INTS10: variants seen among roughly 807,000 people sequenced by gnomAD.
INTS10 encodes integrator complex subunit 10, also known as chromosome 8 open reading frame 35.
A neutral mutation model predicts 94.4 loss-of-function variants in INTS10; 44 were observed. The ratio of observed to expected loss-of-function variants is 0.47; its 90% CI spans 0.37 to 0.60. The LOEUF (loss-of-function observed/expected upper bound fraction) is 0.60. Ranked by LOEUF, INTS10 falls within the 20% of genes least tolerant of loss-of-function variation. The pLI, the probability that INTS10 is intolerant of heterozygous loss-of-function variation, is 0.00. For synonymous variants in INTS10, 341 were observed against 320.7 expected (o/e 1.06, Z -0.68); for missense variants, 797 against 868.7 (o/e 0.92, Z 1.04).
At chr8:19,837,021 G>T in intron 12 of INTS10, 31 bp from the exon 13 acceptor site, 2 of 1,390,340 alleles carry the variant, frequency 1.4e-6, no homozygotes, top group East Asian at 4.6e-5. Flanking sequence ...AAAGCTTCAA[G>T]TTAGTTCCTT....
intron 9 of INTS10, 79 bp from the exon 10 acceptor site, chr8:19,830,327 A>G: frequency 7.8e-7 from 1 of 1,289,314 alleles, no homozygotes. Flanking sequence ...TCACGGGCCA[A>G]ACTGGCAGCA....
At chr8:19,836,786 A>C (rs2067698048) in intron 12 of INTS10, among the ~76,000 whole-genome samples, 1 of 152,118 alleles carries the variant, frequency 6.6e-6, no homozygotes. Flanking sequence ...CTCAGTACTT[A>C]ATGCTTGGTT....
At chr8:19,829,623 A>ATAGT (rs2067075379) in intron 9 of INTS10, among the ~76,000 whole-genome samples, 1 of 152,204 alleles carries the variant, frequency 6.6e-6, no homozygotes, top group Non-Finnish European at 1.5e-5. Flanking sequence ...TGAACCAAAG[A>ATAGT]TAACTAACAG....
At chr8:19,845,232 C>G (rs1027599148) in intron 15 of INTS10, among the ~76,000 whole-genome samples, 1 of 152,124 alleles carries the variant, frequency 6.6e-6, no homozygotes, top group Non-Finnish European at 1.5e-5. Context: ...AACCCTTGCA[C>G]CCCAGTTATG....
chr8:19,835,571 A>T (rs1449448724), intron 12 of INTS10, among the ~76,000 whole-genome samples: 1 of 152,190 alleles, frequency 6.6e-6, no homozygotes, highest in Non-Finnish European at 1.5e-5. Context: ...GATAGAAAAG[A>T]TTGGCTGGAG....
rs78779057 is a variant in INTS10, at chr8:19,845,421, C to G, written c.1883-283C>G. On this transcript the variant is annotated intron_variant, in intron 15 of 16. Transcript: ENST00000397977. ...GTTGTCCTCATGCTCTTTAGCCTGG[C>G]ACATCTCATGCCAAGAGTTATCTGT... 7.5e-3 allele frequency: 2,538 copies of G among 340,388 alleles called. 62 individuals are homozygous for G. Among genetic ancestry groups the G allele is most frequent in the African/African-American group, 0.047 (2,342 of 49,642 alleles). 21.1% of individuals were successfully genotyped at this position (340,388 alleles called of 1,614,324 possible). A position where few individuals can be genotyped will look rare whatever the true frequency, so the allele number is the denominator to read the frequency against.
At chr8:19,850,958 C>T (rs2068979899) in intron 16 of INTS10, among the ~76,000 whole-genome samples, 1 of 152,196 alleles carries the variant, frequency 6.6e-6, no homozygotes, top group Non-Finnish European at 1.5e-5. Context: ...CAGGACCACG[C>T]AGTCCACTCC....
intron 11 of INTS10, among the ~76,000 whole-genome samples, chr8:19,832,943 A>G (rs1467802642): frequency 6.6e-6 from 1 of 152,100 alleles, no homozygotes; most frequent in African/African-American, 2.4e-5. Context: ...CAGAAAGAAA[A>G]ATCTTCATCC....
In INTS10 at chr8:19,830,578, T is replaced by C. The variant is rs2067151958; in HGVS notation, c.1294+19T>C. Reference sequence around the variant, plus strand: ...GACAAAGGTAAGAAAGCGCATGTCATTGGTGCTGTTTGATGTTTTATATAA... The same window carrying C: ...GACAAAGGTAAGAAAGCGCATGTCACTGGTGCTGTTTGATGTTTTATATAA... On this transcript the variant is annotated intron_variant, in intron 10 of 16. Transcript: ENST00000397977. 3 of 1,597,504 alleles carry C rather than the reference T, an allele frequency of 1.9e-6. No individual in the cohort carries two copies. The highest frequency in any genetic ancestry group is 2.6e-6 in the Non-Finnish European group (3 of 1,171,976).
rs758567543 is a variant in INTS10 at position 19,820,373 on chromosome 8, G to T, written c.302-6G>T. 4 of 1,604,414 alleles carry T rather than the reference G, an allele frequency of 2.5e-6. No individual in the cohort carries two copies. The highest frequency in any genetic ancestry group is 2.6e-6 in the Non-Finnish European group (3 of 1,174,688). ...AACTTTTAAAAGTGAAATATGTTTC[G>T]TACAGGTTTATTTGAAACTCTTCCT... On this transcript the variant is annotated splice_region_variant and splice_polypyrimidine_tract_variant and intron_variant, in intron 3 of 16. Transcript: ENST00000397977.
In INTS10 at chr8:19,851,030, C is replaced by T. The variant is rs893980551; in HGVS notation, c.1977-619C>T. 1.1e-4 allele frequency among the ~76,000 whole-genome samples: 17 copies of T among 152,164 alleles called. No individual in the cohort carries two copies. The highest frequency in any genetic ancestry group is 4.1e-4 in the African/African-American group (17 of 41,444). On this transcript the variant is annotated intron_variant, in intron 16 of 16. Transcript: ENST00000397977. The surrounding 1 kb of genome is among the most constrained non-coding windows in gnomAD (Gnocchi z 5.0). ...CTGTGCCACATTCTTGTGTCAGGAC[C>T]CCACCTCCCGCTGCGTTTTCTTCAA...
At chr8:19,823,785 T>G (rs2066575386) in intron 6 of INTS10, 88 bp from the exon 7 acceptor site, 1 of 1,195,648 alleles carries the variant, frequency 8.4e-7, no homozygotes, top group Non-Finnish European at 1.2e-6. Flanking sequence ...CTGTGCATTT[T>G]CATGGGGAGT....
At chr8:19,823,463 T>A (rs2066546630) in intron 6 of INTS10, 22 bp downstream of exon 6, 1 of 1,524,352 alleles carries the variant, frequency 6.6e-7, no homozygotes, top group Admixed American at 1.7e-5. Flanking sequence ...TACCCTGTAC[T>A]TTTACTTAAA....
intron 13 of INTS10, 62 bp from the exon 14 acceptor site, chr8:19,842,786 C>A: frequency 9.3e-7 from 1 of 1,079,314 alleles, no homozygotes; most frequent in South Asian, 1.4e-5. Flanking sequence ...AAACAGTTGC[C>A]TTTCAAAGCT....
At position 19,818,316 on chromosome 8, in the gene INTS10, C is replaced by T. The variant is rs2066102009; in HGVS notation, c.171C>T (p.Ala57=). The change falls in exon 2 of 17, where the codon GCC becomes GCT. Residue 57 remains alanine, a synonymous_variant. Coordinates refer to ENST00000397977, the MANE Select transcript of INTS10 (RefSeq NM_018142.4). ...YTIERNAERT[A]TAGRLLYDMF... is the part of the protein sequence containing the mutation. ...TCGAGCGGAATGCAGAGCGGACCGCCACCGCCGGGAGGCTGCTGTACGACA... is the reference window on the plus strand; with the variant it reads ...TCGAGCGGAATGCAGAGCGGACCGCTACCGCCGGGAGGCTGCTGTACGACA... 5 of 1,614,182 alleles carry T rather than the reference C, an allele frequency of 3.1e-6. No individual in the cohort carries two copies. Among genetic ancestry groups the T allele is most frequent in the Non-Finnish European group, 4.2e-6 (5 of 1,180,038 alleles).
chr8:19,851,627 G>C lies in INTS10; in HGVS notation c.1977-22G>C, dbSNP rs755007308. On this transcript the variant is annotated intron_variant, in intron 16 of 16. Transcript: ENST00000397977. The surrounding 1 kb of genome is among the most constrained non-coding windows in gnomAD (Gnocchi z 5.0). The stretch of plus-strand genomic sequence containing the variant: ...TGGTGCTAACCCCTGGTCTTTGTCT[G>C]TTTCCCTATTGCTGACCTCAGGCAC... The C allele has an allele frequency of 6.2e-7, 1 of 1,613,578 alleles. No individual in the cohort carries two copies. The highest frequency in any genetic ancestry group is 8.5e-7 in the Non-Finnish European group (1 of 1,179,542).
rs1410414600 is a variant in INTS10 at position 19,846,620 on chromosome 8, T to C, written c.1976+823T>C. Among the ~76,000 whole-genome samples the C allele has an allele frequency of 6.6e-6, 1 of 152,210 alleles. No homozygotes were observed. Among genetic ancestry groups the C allele is most frequent in the Non-Finnish European group, 1.5e-5 (1 of 68,034 alleles). The stretch of plus-strand genomic sequence containing the variant: ...GGTATAGTGCCTCTAAGAACACACC[T>C]GTCCCAAGAAATGATGGTGGGAGTG... On this transcript the variant is annotated intron_variant, in intron 16 of 16. Transcript: ENST00000397977. The surrounding 1 kb of genome is among the most constrained non-coding windows in gnomAD (Gnocchi z 4.2).
At chr8:19,817,767 C>G in intron 1 of INTS10, 101 bp downstream of exon 1, 2 of 1,437,616 alleles carry the variant, frequency 1.4e-6, no homozygotes, top group Non-Finnish European at 1.9e-6. Flanking sequence ...GGGGCTGCCG[C>G]CTCCTGCCCG....
rs190709252 is a variant in INTS10 at position 19,842,883 on chromosome 8, G to A, written c.1675G>A (p.Ala559Thr). The A allele has an allele frequency of 1.5e-4, 250 of 1,613,044 alleles. 1 individual carries two copies. In the African/African-American group the frequency reaches 3.1e-3, roughly 20 times the overall value. Residue 559 changes from alanine (A) to threonine (T), a missense_variant, in exon 14 of 17, where the codon GCT (alanine) becomes ACT (threonine). Ala to Thr is a moderately conservative substitution (Grantham distance 58, BLOSUM62 0). Around this residue, in one of 3 missense-constraint regions of INTS10, gnomAD observed 734 missense variants for 787.8 expected, o/e 0.93. Transcript: ENST00000397977. ...GAAGCTCCTGCCTTGTACCAGCAAG[G>A]CTATCATGCCATACTGCCTCCATTT... ...DLKLLPCTSK[A>T]IMPYCLHLML...
Sources: gnomAD v4.1 joint callset for allele counts (sites outside exome capture counted in the v4.1 genomes callset) on GRCh38, gnomAD v4.1.1 for gene constraint, gnomAD v4.1.1 regional missense constraint, Gnocchi (gnomAD v3.1) non-coding constraint, MANE v1.5 for transcripts, NCBI Gene and HGNC (gene_info 2026-07-23, HGNC 2026-07-21) for gene names.